GALNT13: variants seen among roughly 807,000 people sequenced by gnomAD.
The protein encoded by GALNT13 is UDP-GalNAc:polypeptide N-acetylgalactosaminyltransferase 13.
Under a neutral mutation model 64.2 loss-of-function variants are expected in GALNT13, and 28 were observed. The ratio of observed to expected loss-of-function variants is 0.44; its 90% CI spans 0.32 to 0.60. GALNT13 has a LOEUF of 0.60. GALNT13 is among the 20% of genes least tolerant of loss of function. The pLI is 0.05. For synonymous variants in GALNT13, 214 were observed against 224.6 expected, an observed-to-expected ratio of 0.95 and a Z score of 0.42; for missense variants, 577 against 669.8, an observed-to-expected ratio of 0.86 and a Z score of 1.53.
chr2:153,835,514 G>A, the GALNT13 span, among the ~76,000 whole-genome samples: 1 of 151,952 alleles, frequency 6.6e-6, no homozygotes, highest in African/African-American at 2.4e-5. Flanking sequence ...AATGAAAGGG[G>A]TTTTGGTTCT....
At chr2:154,115,480 G>T (rs1468773397) in intron 3 of GALNT13, among the ~76,000 whole-genome samples, 1 of 151,744 alleles carries the variant, frequency 6.6e-6, no homozygotes, top group Non-Finnish European at 1.5e-5. Context: ...GAGTGCAGTG[G>T]CACAATCCCA....
At chr2:153,264,836 G>C in the GALNT13 span, among the ~76,000 whole-genome samples, 4 of 152,192 alleles carry the variant, frequency 2.6e-5, no homozygotes, top group Non-Finnish European at 5.9e-5. Flanking sequence ...GCTAATGCAT[G>C]CTGGGCTTAA....
the GALNT13 span, among the ~76,000 whole-genome samples, chr2:153,769,145 C>A: frequency 6.6e-6 from 1 of 151,998 alleles, no homozygotes; most frequent in Non-Finnish European, 1.5e-5. Context: ...GTGTTGTTAG[C>A]TAGTTGTTTT....
the GALNT13 span, among the ~76,000 whole-genome samples, chr2:153,812,685 C>T: frequency 6.6e-6 from 1 of 152,266 alleles, no homozygotes; most frequent in South Asian, 2.1e-4. Context: ...ATTCCATTCC[C>T]TTTAATATTT....
At chr2:153,123,655 A>G in the GALNT13 span, among the ~76,000 whole-genome samples, 4 of 152,226 alleles carry the variant, frequency 2.6e-5, no homozygotes, top group African/African-American at 7.2e-5. Flanking sequence ...AGCTAACTAC[A>G]TAGGATATAA....
the GALNT13 span, among the ~76,000 whole-genome samples, chr2:153,343,858 A>T: frequency 6.6e-6 from 1 of 152,174 alleles, no homozygotes; most frequent in Non-Finnish European, 1.5e-5. Flanking sequence ...TATCCCTAAC[A>T]CTAAACACCC....
intron 3 of GALNT13, among the ~76,000 whole-genome samples, chr2:154,087,577 A>C (rs1284842793): frequency 6.6e-6 from 1 of 152,094 alleles, no homozygotes; most frequent in East Asian, 1.9e-4. Context: ...GAAAGGCTTT[A>C]TTCTTATAAA....
chr2:153,488,292 T>C, the GALNT13 span, among the ~76,000 whole-genome samples: 1 of 152,182 alleles, frequency 6.6e-6, no homozygotes, highest in East Asian at 1.9e-4. Context: ...AGGCTCTTTT[T>C]GTTGTAGTCT....
At chr2:153,886,654 T>C (rs17585462) in intron 1 of GALNT13, among the ~76,000 whole-genome samples, 24,717 of 151,952 alleles carry the variant, frequency 0.16, 2,434 homozygotes, top group East Asian at 0.26. Flanking sequence ...CTTGATAGTT[T>C]GTGATTACCG....
intron 8 of GALNT13, among the ~76,000 whole-genome samples, chr2:154,281,488 A>G (rs1256560960): frequency 1.3e-5 from 2 of 152,190 alleles, no homozygotes; most frequent in Non-Finnish European, 2.9e-5. Flanking sequence ...TGTGGTGATC[A>G]ATCCTAAAGG....
chr2:153,130,153 C>T, the GALNT13 span, among the ~76,000 whole-genome samples: 1 of 152,182 alleles, frequency 6.6e-6, no homozygotes, highest in South Asian at 2.1e-4. Context: ...CCCACCATCA[C>T]AGCTCCTGCC....
At chr2:154,254,631 G>A (rs1690270245) in intron 7 of GALNT13, among the ~76,000 whole-genome samples, 1 of 152,062 alleles carries the variant, frequency 6.6e-6, no homozygotes, top group South Asian at 2.1e-4. Flanking sequence ...CATAAAAAAT[G>A]TGGTTTTTCA....
At chr2:153,147,323 C>T in the GALNT13 span, among the ~76,000 whole-genome samples, 3 of 149,864 alleles carry the variant, frequency 2.0e-5, no homozygotes, top group East Asian at 7.1e-4. Context: ...TGGTCAGGGG[C>T]AGCCGGGACA....
chr2:154,024,549 C>T (rs915615968), intron 3 of GALNT13, among the ~76,000 whole-genome samples: 1 of 152,178 alleles, frequency 6.6e-6, no homozygotes, highest in Non-Finnish European at 1.5e-5. Flanking sequence ...CCATCAGGTC[C>T]TTTAAGGACT....
Position 153,917,893 on chromosome 2 carries a change from G to A in GALNT13, c.-105+16886G>A, listed in dbSNP as rs1011933481. On this transcript the variant is annotated intron_variant, in intron 2 of 12. Coordinates refer to ENST00000392825, the MANE Select transcript of GALNT13 (RefSeq NM_052917.4). ...AAAGAGGCAGAATGTCAATTAGGCA[G>A]TTATCTGTTAATCATGACCACAGTT... is the stretch of plus-strand genomic sequence containing the variant. Among the ~76,000 whole-genome samples, 14 of 3,758 alleles carry A rather than the reference G, an allele frequency of 3.7e-3. No individual in the cohort carries two copies. In the Admixed American group the frequency reaches 0.08, roughly 21 times the overall value. The allele number at this position is 3,758 out of a possible 152,430, so 2.5% of individuals were successfully genotyped here.
the GALNT13 span, among the ~76,000 whole-genome samples, chr2:153,740,554 T>C: frequency 2.6e-5 from 4 of 152,090 alleles, no homozygotes; most frequent in Non-Finnish European, 4.4e-5. Context: ...ATTCGTCTTT[T>C]CTCTCTAGTC....
intron 3 of GALNT13, among the ~76,000 whole-genome samples, chr2:154,125,220 T>G (rs1424951742): frequency 1.3e-5 from 2 of 152,132 alleles, no homozygotes; most frequent in African/African-American, 4.8e-5. Context: ...GGAACACAAC[T>G]GGTCATTGAA....
At chr2:153,711,239 C>A in the GALNT13 span, among the ~76,000 whole-genome samples, 4 of 152,098 alleles carry the variant, frequency 2.6e-5, no homozygotes, top group Non-Finnish European at 5.9e-5. Context: ...TGGCCTAAAT[C>A]TATGGCTTTA....
chr2:154,443,364 A>C (rs942020116), intron 12 of GALNT13, among the ~76,000 whole-genome samples: 2 of 152,090 alleles, frequency 1.3e-5, no homozygotes, highest in African/African-American at 4.8e-5. Flanking sequence ...TAATGTTTTG[A>C]GTAACAACTT....
Sources: gnomAD v4.1 joint callset for allele counts (sites outside exome capture counted in the v4.1 genomes callset) on GRCh38, gnomAD v4.1.1 for gene constraint, MANE v1.5 for transcripts, NCBI Gene and HGNC (gene_info 2026-07-23, HGNC 2026-07-21) for gene names.